The following NOTCH2NLC variants were observed in gnomAD, a reference collection of about 807,000 sequenced individuals.
NOTCH2NLC encodes the protein notch homolog 2 N-terminal-like protein C.
NOTCH2NLC carries 4 observed loss-of-function variants against 17.7 expected under a neutral mutation model. The ratio of observed to expected loss-of-function variants is 0.23; its 90% CI spans 0.11 to 0.52. The LOEUF is 0.52. Among genes scored for constraint, NOTCH2NLC ranks in the 20% least tolerant of loss-of-function variants. The pLI is 0.96. For synonymous variants in NOTCH2NLC, 18 were observed against 86.0 expected (o/e 0.21, Z 4.38); for missense variants, 57 against 207.2 (o/e 0.28, Z 4.45).
chr1:149,400,324 G>A (rs1332865588), intron 1 of NOTCH2NLC, among the ~76,000 whole-genome samples: 21 of 138,528 alleles, frequency 1.5e-4, no homozygotes, highest in Non-Finnish European at 2.9e-4. Context: ...CATCAGTGGC[G>A]TTTGTATTGC....
At chr1:149,412,116 CAA>C (rs71649388) in intron 1 of NOTCH2NLC, among the ~76,000 whole-genome samples, 12 of 49,358 alleles carry the variant, frequency 2.4e-4, no homozygotes, top group African/African-American at 9.5e-4. Flanking sequence ...ATCCTGTCTC[CAA>C]AAAAAAAAAA....
chr1:149,423,992 G>C (rs1359836650), intron 1 of NOTCH2NLC, among the ~76,000 whole-genome samples: 3 of 150,686 alleles, frequency 2.0e-5, no homozygotes, highest in Admixed American at 6.6e-5. Flanking sequence ...CTAAAACAAA[G>C]GGAGGCTTTT....
intron 1 of NOTCH2NLC, among the ~76,000 whole-genome samples, chr1:149,416,071 A>G (rs1194840413): frequency 7.1e-6 from 1 of 141,710 alleles, no homozygotes; most frequent in African/African-American, 2.6e-5. Context: ...CTTTAGTGGT[A>G]TGGACATGGA....
chr1:149,390,838 C>CGGCGGCGGCGGCGGCGGCGGCGGA lies in NOTCH2NLC; in HGVS notation c.55_56insGCGGCGGCGGCGGCGGCGGAGGCG (p.Gly11_Gly18dup), dbSNP rs1484758084. 7.5e-7 allele frequency: 1 copy of CGGCGGCGGCGGCGGCGGCGGCGGA among 1,336,306 alleles called. No individual in the cohort carries two copies. The highest frequency in any genetic ancestry group is 1.6e-5 in the African/African-American group (1 of 63,242). The allele number at this position is 1,336,306 out of a possible 1,614,324, so 82.8% of individuals were successfully genotyped here. On this transcript the variant is annotated inframe_insertion, in exon 1 of 5. Transcript: ENST00000650865. The stretch of plus-strand genomic sequence containing the variant: ...GCGGCGGCGGCGGCGGCGGAGGAGG[C>CGGCGGCGGCGGCGGCGGCGGCGGA]GGCGACCGAGAAGATGCCCGCCCTG...
intron 1 of NOTCH2NLC, among the ~76,000 whole-genome samples, chr1:149,398,091 C>T (rs1180396877): frequency 1.7e-4 from 25 of 150,996 alleles, no homozygotes; most frequent in African/African-American, 5.4e-4. Flanking sequence ...CAGGGTGACT[C>T]GGATCTATAG....
chr1:149,413,797 G>A (rs1485026184), intron 1 of NOTCH2NLC, among the ~76,000 whole-genome samples: 1 of 151,020 alleles, frequency 6.6e-6, no homozygotes, highest in Non-Finnish European at 1.5e-5. Flanking sequence ...CTTAATATTA[G>A]TATATTGCTG....
chr1:149,439,957 T>C (rs1384177884), intron 2 of NOTCH2NLC, among the ~76,000 whole-genome samples: 7 of 148,950 alleles, frequency 4.7e-5, no homozygotes, highest in African/African-American at 1.7e-4. Context: ...GAAAGAAAAG[T>C]GAAAATAAAG....
At chr1:149,460,721 G>C (rs1382908876) in intron 3 of NOTCH2NLC, among the ~76,000 whole-genome samples, 1 of 147,818 alleles carries the variant, frequency 6.8e-6, no homozygotes. Context: ...TTTGGTTTTT[G>C]TGATAGCGCT....
chr1:149,466,277 G>GTATATATATATATATATATATATATATA lies in NOTCH2NLC; in HGVS notation c.*2139_*2140insATATATATATATATATATATATATATAT, dbSNP rs1184842539. The GTATATATATATATATATATATATATATA allele has an allele frequency of 2.1e-5, 3 of 142,536 alleles. No individual in the cohort carries two copies. Among genetic ancestry groups the GTATATATATATATATATATATATATATA allele is most frequent in the Admixed American group, 7.1e-5 (1 of 14,166 alleles). The allele number at this position is 142,536 out of a possible 1,614,324, so 8.8% of individuals were successfully genotyped here. ...GTGTGTGTGTGTGTGTGTGTGTGTGGTATATATATATATATCGCATTGTGC... is the reference window on the plus strand; with the variant it reads ...GTGTGTGTGTGTGTGTGTGTGTGTGGTATATATATATATATATATATATATATATATATATATATATATCGCATTGTGC... On this transcript the variant is annotated 3_prime_UTR_variant, in exon 5 of 5. Coordinates refer to ENST00000650865, the MANE Select transcript of NOTCH2NLC (RefSeq NM_001364013.2).
In NOTCH2NLC at chr1:149,469,058, G is replaced by A. The variant is rs1163002738; in HGVS notation, c.*4905G>A. Reference sequence around the variant, plus strand: ...CGGCTCACTGCAACCTCCACCTCCCGGGTTCAAGCTATTCTCATGTCTCAG... The same window carrying A: ...CGGCTCACTGCAACCTCCACCTCCCAGGTTCAAGCTATTCTCATGTCTCAG... On this transcript the variant is annotated 3_prime_UTR_variant, in exon 5 of 5. Transcript: ENST00000650865. Among the ~76,000 whole-genome samples, 3 of 126,326 alleles carry A rather than the reference G, an allele frequency of 2.4e-5. No individual in the cohort carries two copies. The highest frequency in any genetic ancestry group is 2.8e-4 in the South Asian group (1 of 3,606). 82.9% of individuals were successfully genotyped at this position (126,326 alleles called of 152,430 possible). A position where few individuals can be genotyped will look rare whatever the true frequency, so the allele number is the denominator to read the frequency against.
intron 1 of NOTCH2NLC, among the ~76,000 whole-genome samples, chr1:149,393,447 C>T (rs2084187468): frequency 6.7e-6 from 1 of 148,664 alleles, no homozygotes; most frequent in Non-Finnish European, 1.5e-5. Context: ...TACAGCACAC[C>T]CTTCTAAACT....
chr1:149,447,679 A>AT (rs2084562530), intron 2 of NOTCH2NLC, among the ~76,000 whole-genome samples: 2 of 120,676 alleles, frequency 1.7e-5, no homozygotes, highest in African/African-American at 6.2e-5. Flanking sequence ...AAGGCTTACT[A>AT]TAGGACAGGT....
At chr1:149,432,286 T>C (rs1340965405) in intron 2 of NOTCH2NLC, among the ~76,000 whole-genome samples, 5 of 150,706 alleles carry the variant, frequency 3.3e-5, no homozygotes, top group Admixed American at 6.6e-5. Flanking sequence ...TTTTTAATGT[T>C]ATAAACAAGA....
At chr1:149,407,100 AATT>A (rs1219636233) in intron 1 of NOTCH2NLC, among the ~76,000 whole-genome samples, 36 of 150,754 alleles carry the variant, frequency 2.4e-4, no homozygotes, top group African/African-American at 8.0e-4. Flanking sequence ...TCATAGAAAA[AATT>A]ATTTAGGATT....
At chr1:149,421,416 G>A (rs1359901805) in intron 1 of NOTCH2NLC, among the ~76,000 whole-genome samples, 6 of 147,194 alleles carry the variant, frequency 4.1e-5, no homozygotes, top group South Asian at 2.2e-4. Flanking sequence ...GGAGAATGGC[G>A]TGAACCCAGG....
chr1:149,462,787 G>A (rs2084657283), intron 3 of NOTCH2NLC, among the ~76,000 whole-genome samples: 1 of 149,154 alleles, frequency 6.7e-6, no homozygotes, highest in South Asian at 2.1e-4. Context: ...GAACTTTAGA[G>A]TTGCCAAGAT....
chr1:149,437,892 G>A lies in NOTCH2NLC; in HGVS notation c.209+6877G>A, dbSNP rs2084492593. 1.4e-5 allele frequency among the ~76,000 whole-genome samples: 2 copies of A among 146,820 alleles called. 1 individual carries two copies. The highest frequency in any genetic ancestry group is 4.5e-4 in the South Asian group (2 of 4,402). ...ATTGCATATTAGGGTCTGTTCTCAA[G>A]TAGTTTACATGTATTTACTTTAGTC... is the stretch of plus-strand genomic sequence containing the variant. On this transcript the variant is annotated intron_variant, in intron 2 of 4. Coordinates refer to ENST00000650865, the MANE Select transcript of NOTCH2NLC (RefSeq NM_001364013.2).
Position 149,446,479 on chromosome 1 carries a change from C to T in NOTCH2NLC, c.210-8839C>T, listed in dbSNP as rs1253753225. On this transcript the variant is annotated intron_variant, in intron 2 of 4. Coordinates refer to ENST00000650865, the MANE Select transcript of NOTCH2NLC (RefSeq NM_001364013.2). Reference sequence around the variant, plus strand: ...ACAGTAACAATGGAAATGTGGACCTCTCAATGTCAGAAATGACACTTTTTT... The same window carrying T: ...ACAGTAACAATGGAAATGTGGACCTTTCAATGTCAGAAATGACACTTTTTT... Among the ~76,000 whole-genome samples the T allele has an allele frequency of 8.5e-4, 125 of 146,926 alleles. 2 individuals are homozygous for T. Among genetic ancestry groups the T allele is most frequent in the African/African-American group, 3.1e-3 (124 of 39,870 alleles).
intron 3 of NOTCH2NLC, among the ~76,000 whole-genome samples, chr1:149,460,333 CTTTT>C (rs1226789458): frequency 4.3e-5 from 4 of 92,896 alleles, no homozygotes; most frequent in Non-Finnish European, 8.4e-5. Context: ...TTCTGATCAC[CTTTT>C]TTTTTTTTTT....
Sources: allele counts gnomAD v4.1 joint callset (sites outside exome capture counted in the v4.1 genomes callset), GRCh38; gene constraint gnomAD v4.1.1; transcripts MANE v1.5; gene names NCBI Gene and HGNC (gene_info 2026-07-23, HGNC 2026-07-21).